Variants in GALNT10 observed in about 807,000 individuals in gnomAD.
GALNT10 encodes the protein polypeptide N-acetylgalactosaminyltransferase 10.
Under a neutral mutation model 75.0 loss-of-function variants are expected in GALNT10, and 41 were observed. That is an observed-to-expected ratio of 0.55 (90% CI 0.43 to 0.71). GALNT10 has a LOEUF of 0.71. Among genes scored for constraint, GALNT10 ranks in the 30% least tolerant of loss-of-function variants. GALNT10 has a pLI of 0.00. For synonymous variants in GALNT10, 302 were observed against 313.0 expected, an observed-to-expected ratio of 0.96 and a Z score of 0.37; for missense variants, 727 against 818.5, an observed-to-expected ratio of 0.89 and a Z score of 1.36.
rs767320291 is a variant in GALNT10, at chr5:154,416,635, C to G, written c.1654-179C>G. On this transcript the variant is annotated intron_variant, in intron 11 of 11. Transcript: ENST00000297107. The surrounding 1 kb of genome is among the most constrained non-coding windows in gnomAD (Gnocchi z 4.5). Reference sequence around the variant, plus strand: ...GGCAGAACCCAGTCCCACGGCAATACCAGCTGCAAGGGAGGCTGGGCAGCA... The same window carrying G: ...GGCAGAACCCAGTCCCACGGCAATAGCAGCTGCAAGGGAGGCTGGGCAGCA... Among the ~76,000 whole-genome samples, 2 of 152,064 alleles carry G rather than the reference C, an allele frequency of 1.3e-5. No homozygotes were observed. Among genetic ancestry groups the G allele is most frequent in the Non-Finnish European group, 2.9e-5 (2 of 68,008 alleles).
intron 7 of GALNT10, chr5:154,386,823 TCAGTCACCC>T (rs996780035): frequency 1.5e-5 from 5 of 340,676 alleles, no homozygotes; most frequent in Non-Finnish European, 2.6e-5. Context: ...AGGAGTCCTC[TCAGTCACCC>T]CAAGTTTTCC....
chr5:154,393,963 C>G (rs1280151187), intron 7 of GALNT10, among the ~76,000 whole-genome samples: 6 of 152,312 alleles, frequency 3.9e-5, no homozygotes, highest in African/African-American at 1.4e-4. Flanking sequence ...AGATTCTGCA[C>G]AAGTCAGCAG....
At chr5:154,414,878 G>A (rs973739819) in intron 10 of GALNT10, among the ~76,000 whole-genome samples, 1 of 152,122 alleles carries the variant, frequency 6.6e-6, no homozygotes, top group Non-Finnish European at 1.5e-5. Context: ...AATCCCAGCA[G>A]TTTGGGAGGC....
In GALNT10 at chr5:154,402,069, C is replaced by T. The variant is rs1237918416; in HGVS notation, c.1057-2035C>T. 2.0e-5 allele frequency among the ~76,000 whole-genome samples: 3 copies of T among 152,204 alleles called. No homozygotes were observed. The highest frequency in any genetic ancestry group is 7.2e-5 in the African/African-American group (3 of 41,456). The stretch of plus-strand genomic sequence containing the variant: ...CCTCCCGGGCCTACTCTCCCTGAGG[C>T]CTGCCCCATCAGGCTGTTCTCCACC... On this transcript the variant is annotated intron_variant, in intron 7 of 11. Coordinates refer to ENST00000297107, the MANE Select transcript of GALNT10 (RefSeq NM_198321.4). This position sits in a 1 kb window ranked among gnomAD's most constrained non-coding sequence, Gnocchi z 4.2.
Position 154,376,455 on chromosome 5 carries a change from C to A in GALNT10, c.747C>A (p.Pro249=). 1 of 1,572,094 alleles carries A rather than the reference C, an allele frequency of 6.4e-7. No individual in the cohort carries two copies. The highest frequency in any genetic ancestry group is 8.6e-7 in the Non-Finnish European group (1 of 1,164,040). The part of the protein sequence containing the change: ...HCEANVNWLP[P]LLDRIARNRK... ...AAGCCAATGTCAACTGGCTTCCCCC[C>A]TTGCTTGGTAAGGGAGCCCCTCCCA... Residue 249 remains proline, a synonymous_variant, in exon 5 of 12, where the codon CCC becomes CCA. Transcript: ENST00000297107. The surrounding 1 kb of genome is among the most constrained non-coding windows in gnomAD (Gnocchi z 4.1).
chr5:154,391,351 G>C (rs1349638591), intron 7 of GALNT10, among the ~76,000 whole-genome samples: 6 of 152,232 alleles, frequency 3.9e-5, no homozygotes, highest in Admixed American at 2.6e-4. Flanking sequence ...CTTCAGGGCT[G>C]AGGGCTGATT....
chr5:154,321,398 C>T (rs964323341), intron 3 of GALNT10, among the ~76,000 whole-genome samples: 27 of 152,084 alleles, frequency 1.8e-4, no homozygotes, highest in Non-Finnish European at 3.5e-4. Flanking sequence ...TCGTCTGCCT[C>T]CCAGGCTCAA....
intron 1 of GALNT10, among the ~76,000 whole-genome samples, chr5:154,260,991 T>C (rs1195377230): frequency 6.6e-6 from 1 of 151,264 alleles, no homozygotes; most frequent in Non-Finnish European, 1.5e-5. Flanking sequence ...CCATTCTGTC[T>C]CCACTTGCTT....
Position 154,240,219 on chromosome 5 carries a change from C to T in GALNT10, c.159+49194C>T, listed in dbSNP as rs1409308424. Among the ~76,000 whole-genome samples the T allele has an allele frequency of 3.9e-5, 6 of 152,222 alleles. No individual in the cohort carries two copies. In the East Asian group the frequency reaches 1.2e-3, roughly 29 times the overall value. ...GACAGACAGACACAAAAATAACCCT[C>T]AAATTTGATTATAGATACTACTTGA... On this transcript the variant is annotated intron_variant, in intron 1 of 11. Coordinates refer to ENST00000297107, the MANE Select transcript of GALNT10 (RefSeq NM_198321.4).
rs747575911 is a variant in GALNT10, at chr5:154,372,311, G to A, written c.569-3966G>A. Among the ~76,000 whole-genome samples, 8 of 152,192 alleles carry A rather than the reference G, an allele frequency of 5.3e-5. No homozygotes were observed. In the East Asian group the frequency reaches 1.5e-3, roughly 29 times the overall value. Reference sequence around the variant, plus strand: ...GCTTCTGGGGCTGTGGTTCGAGTGAGTACTAAAAAACGTGTTAGCCATTGT... The same window carrying A: ...GCTTCTGGGGCTGTGGTTCGAGTGAATACTAAAAAACGTGTTAGCCATTGT... On this transcript the variant is annotated intron_variant, in intron 4 of 11. Transcript: ENST00000297107.
intron 3 of GALNT10, among the ~76,000 whole-genome samples, chr5:154,325,880 A>G (rs1754748884): frequency 6.6e-6 from 1 of 152,176 alleles, no homozygotes; most frequent in South Asian, 2.1e-4. Flanking sequence ...ACAATTAGAC[A>G]AGAAAAAGAC....
rs569840411 is a variant in GALNT10 at position 154,334,816 on chromosome 5, G to A, written c.568+5078G>A. Among the ~76,000 whole-genome samples the A allele has an allele frequency of 2.6e-5, 4 of 152,342 alleles. 1 individual carries two copies. The highest frequency in any genetic ancestry group is 2.1e-4 in the South Asian group (1 of 4,826). On this transcript the variant is annotated intron_variant, in intron 4 of 11. Transcript: ENST00000297107. ...GTTGTTGCAGTGATTGGTGCTGGAA[G>A]GAGTATAGACAATGCTGGGCCCGTT...
chr5:154,393,074 A>AAAAG (rs1251093330), intron 7 of GALNT10: 7 of 149,662 alleles, frequency 4.7e-5, no homozygotes, highest in African/African-American at 1.7e-4. Flanking sequence ...AAAAAAAAAA[A>AAAAG]AAAACCCATT....
intron 4 of GALNT10, among the ~76,000 whole-genome samples, chr5:154,345,736 A>G (rs1755111708): frequency 6.9e-6 from 1 of 145,392 alleles, no homozygotes; most frequent in South Asian, 2.2e-4. Flanking sequence ...TCTGGGCTCC[A>G]GCAATCCTCC....
chr5:154,354,881 C>A (rs769307311), intron 4 of GALNT10, among the ~76,000 whole-genome samples: 4 of 152,214 alleles, frequency 2.6e-5, no homozygotes, highest in Non-Finnish European at 4.4e-5. Context: ...CCGTGTGATC[C>A]TGTCACTCCG....
At chr5:154,303,704 C>A (rs1051952099) in intron 3 of GALNT10, among the ~76,000 whole-genome samples, 7 of 152,134 alleles carry the variant, frequency 4.6e-5, no homozygotes, top group African/African-American at 1.7e-4. Context: ...TAAATTATTA[C>A]CCAAAAGGAT....
intron 1 of GALNT10, among the ~76,000 whole-genome samples, chr5:154,193,153 T>A (rs1232465183): frequency 6.7e-6 from 1 of 149,504 alleles, no homozygotes. Context: ...TGAAGGGGGT[T>A]TGGGGGTTTG....
At chr5:154,216,972 C>A (rs1022900196) in intron 1 of GALNT10, among the ~76,000 whole-genome samples, 1 of 152,164 alleles carries the variant, frequency 6.6e-6, no homozygotes, top group Non-Finnish European at 1.5e-5. Flanking sequence ...TCCCTCTGCC[C>A]AACCCCGGGA....
chr5:154,292,308 G>A (rs1754205778), intron 1 of GALNT10, among the ~76,000 whole-genome samples: 1 of 152,138 alleles, frequency 6.6e-6, no homozygotes, highest in Non-Finnish European at 1.5e-5. Flanking sequence ...AGAGGTCTAG[G>A]GTAAGACCCT....
Sources: allele counts gnomAD v4.1 joint callset (sites outside exome capture counted in the v4.1 genomes callset), GRCh38; gene constraint gnomAD v4.1.1; non-coding constraint Gnocchi (gnomAD v3.1); transcripts MANE v1.5; gene names NCBI Gene and HGNC (gene_info 2026-07-23, HGNC 2026-07-21).